The following EXOC5 variants were observed in gnomAD, a reference collection of about 807,000 sequenced individuals.
EXOC5 encodes exocyst complex component 5.
Under a neutral mutation model 90.8 loss-of-function variants are expected in EXOC5, and 17 were observed. The ratio of observed to expected loss-of-function variants is 0.19; its 90% confidence interval spans 0.13 to 0.28. EXOC5 has a LOEUF of 0.28. Among genes scored for constraint, EXOC5 ranks in the 10% least tolerant of loss-of-function variants. The pLI is 1.00. For missense variants in EXOC5, 569 were observed against 830.6 expected (o/e 0.69, Z 3.87); for synonymous variants, 260 against 270.0 (o/e 0.96, Z 0.36).
intron 11 of EXOC5, 137 bp downstream of exon 11, chr14:57,231,369 C>CAATA (rs1255962121): frequency 3.2e-6 from 2 of 626,554 alleles, no homozygotes; most frequent in East Asian, 5.6e-5. Flanking sequence ...AAGATTTGAT[C>CAATA]AATAATATAA....
chr14:57,254,436 CAA>C (rs200928380), intron 1 of EXOC5, among the ~76,000 whole-genome samples: 6 of 123,772 alleles, frequency 4.8e-5, no homozygotes, highest in Admixed American at 8.2e-5. Context: ...GAATCTGTTC[CAA>C]AAAAAAAAAA....
intron 15 of EXOC5, among the ~76,000 whole-genome samples, chr14:57,217,476 G>A (rs896777063): frequency 9.9e-5 from 15 of 152,086 alleles, no homozygotes; most frequent in African/African-American, 3.6e-4. Flanking sequence ...ATGGTGATCT[G>A]TGATCAGTGA....
intron 12 of EXOC5, 28 bp downstream of exon 12, chr14:57,229,706 T>G (rs1313143225): frequency 1.4e-6 from 2 of 1,429,824 alleles, no homozygotes; most frequent in Non-Finnish European, 1.9e-6. Flanking sequence ...CAACTGTATA[T>G]GTAAAATACA....
At chr14:57,250,882 T>G (rs182896832) in intron 1 of EXOC5, among the ~76,000 whole-genome samples, 12 of 152,320 alleles carry the variant, frequency 7.9e-5, no homozygotes, top group African/African-American at 2.6e-4. Context: ...AAAGACCAGA[T>G]AGCTAGTATT....
chr14:57,265,111 T>C (rs943173794), intron 1 of EXOC5, among the ~76,000 whole-genome samples: 69 of 150,624 alleles, frequency 4.6e-4, no homozygotes, highest in African/African-American at 1.6e-3. Flanking sequence ...CTCATTTCCA[T>C]AACTTACTTG....
chr14:57,241,924 T>G (rs539363973), intron 4 of EXOC5, among the ~76,000 whole-genome samples: 9 of 151,776 alleles, frequency 5.9e-5, no homozygotes, highest in Non-Finnish European at 8.8e-5. Context: ...ACAAGGTCAG[T>G]AGATGGAGAC....
At chr14:57,243,274 G>T (rs1350781137) in intron 4 of EXOC5, 1 of 151,952 alleles carries the variant, frequency 6.6e-6, no homozygotes, top group Non-Finnish European at 1.5e-5. Flanking sequence ...TTCTTTAGAG[G>T]AATTATCTGT....
chr14:57,253,977 A>G (rs1884268281), intron 1 of EXOC5, among the ~76,000 whole-genome samples: 1 of 152,332 alleles, frequency 6.6e-6, no homozygotes, highest in Middle Eastern at 3.4e-3. Flanking sequence ...ACAGGCAACA[A>G]AAGAAAAAAA....
At position 57,237,387 on chromosome 14, in the gene EXOC5, A is replaced by C; in HGVS notation, c.531-21T>G. On this transcript the variant is annotated intron_variant, in intron 5 of 17. Coordinates refer to ENST00000621441, the MANE Select transcript of EXOC5 (RefSeq NM_006544.4). ...AAAATCTGAAAGACAAAAACCAACC[A>C]TGAGGTTTGTTAGTTGTGATAAACA... The C allele has an allele frequency of 2.0e-6, 3 of 1,514,376 alleles. No individual in the cohort carries two copies. In the South Asian group the frequency reaches 3.6e-5, roughly 18 times the overall value. 93.8% of individuals were successfully genotyped at this position (1,514,376 alleles called of 1,614,324 possible). A position where few individuals can be genotyped will look rare whatever the true frequency, so the allele number is the denominator to read the frequency against.
At chr14:57,224,477 G>C (rs1390087417) in intron 12 of EXOC5, among the ~76,000 whole-genome samples, 3 of 152,082 alleles carry the variant, frequency 2.0e-5, no homozygotes, top group Non-Finnish European at 2.9e-5. Context: ...CAACTTATGT[G>C]AACTACACAA....
At chr14:57,262,658 ATATACAT>A (rs1884543219) in intron 1 of EXOC5, among the ~76,000 whole-genome samples, 1 of 147,170 alleles carries the variant, frequency 6.8e-6, no homozygotes, top group South Asian at 2.1e-4. Flanking sequence ...ATATATACAT[ATATACAT>A]AAGTGTATAT....
intron 3 of EXOC5, among the ~76,000 whole-genome samples, chr14:57,246,459 G>C (rs1020654114): frequency 6.6e-6 from 1 of 152,128 alleles, no homozygotes; most frequent in African/African-American, 2.4e-5. Context: ...GGAGAATCAA[G>C]GACCACACTA....
chr14:57,202,094 G>A lies in EXOC5; in HGVS notation c.*6515C>T, dbSNP rs1023086444. On this transcript the variant is annotated 3_prime_UTR_variant, in exon 18 of 18. Transcript: ENST00000621441. ...TAGGATGCAACAATAACACAGAGTT[G>A]CATCCGTGGTATGTCTGCCAAAAAG... 1 of 152,146 alleles carries A rather than the reference G, an allele frequency of 6.6e-6. No individual in the cohort carries two copies. The highest frequency in any genetic ancestry group is 2.4e-5 in the African/African-American group (1 of 41,432). The allele number at this position is 152,146 out of a possible 1,614,324, so 9.4% of individuals were successfully genotyped here. A position where few individuals can be genotyped will look rare whatever the true frequency, so the allele number is the denominator to read the frequency against.
Position 57,211,416 on chromosome 14 carries a change from T to C in EXOC5, c.1614-1355A>G, listed in dbSNP as rs540795023. On this transcript the variant is annotated intron_variant, in intron 15 of 17. Transcript: ENST00000621441. ...CGTCACTTTTTTCTCACTTGAAATA[T>C]GGAAATCTTCAAAGTCACCACCTTG... is the stretch of plus-strand genomic sequence containing the variant. 1.1e-4 allele frequency among the ~76,000 whole-genome samples: 14 copies of C among 132,584 alleles called. No homozygotes were observed. The South Asian group carries it at 1.7e-3, about 16-fold the overall frequency. The allele number at this position is 132,584 out of a possible 152,430, so 87.0% of individuals were successfully genotyped here. A position where few individuals can be genotyped will look rare whatever the true frequency, so the allele number is the denominator to read the frequency against.
At chr14:57,231,952 A>C in intron 10 of EXOC5, 1 of 390,202 alleles carries the variant, frequency 2.6e-6, no homozygotes, top group South Asian at 3.7e-5. Context: ...CTAGGAAAAG[A>C]ACTTGTGAGG....
In EXOC5 at chr14:57,244,031, A is replaced by G. The variant is rs1323616420; in HGVS notation, c.465+134T>C. The G allele has an allele frequency of 6.4e-6, 4 of 624,050 alleles. No homozygotes were observed. The East Asian group carries it at 1.1e-4, about 17-fold the overall frequency. The allele number at this position is 624,050 out of a possible 1,614,324, so 38.7% of individuals were successfully genotyped here. ...AAGAAACTGTATTAGTTTACATTTCAGAACAATAAAAACTTTTAATAAGTC... is the reference window on the plus strand; with the variant it reads ...AAGAAACTGTATTAGTTTACATTTCGGAACAATAAAAACTTTTAATAAGTC... On this transcript the variant is annotated intron_variant, in intron 4 of 17. Coordinates refer to ENST00000621441, the MANE Select transcript of EXOC5 (RefSeq NM_006544.4).
At chr14:57,226,202 G>A (rs1883303575) in intron 12 of EXOC5, among the ~76,000 whole-genome samples, 1 of 152,150 alleles carries the variant, frequency 6.6e-6, no homozygotes, top group Admixed American at 6.5e-5. Flanking sequence ...AGGCCCACAA[G>A]GAATTCCTAT....
At position 57,208,717 on chromosome 14, in the gene EXOC5, T is replaced by C. The variant is rs182922270; in HGVS notation, c.2019A>G (p.Gln673=). 1.9e-6 allele frequency: 3 copies of C among 1,611,834 alleles called. No individual in the cohort carries two copies. The Admixed American group carries it at 5.0e-5, about 27-fold the overall frequency. ...TAGCAAGTTGTTCTCCTGAGCAGAC[T>C]TGCTTTAAATTATCTGGGGCAACTA... ...LLVVAPDNLK[Q]VCSGEQLANL... is the part of the protein sequence containing the mutation. The change falls in exon 18 of 18, where the codon CAA becomes CAG. Residue 673 remains glutamine, a synonymous_variant. Coordinates refer to ENST00000621441, the MANE Select transcript of EXOC5 (RefSeq NM_006544.4).
In EXOC5 at chr14:57,201,876, C is replaced by T. The variant is rs2139596839; in HGVS notation, c.*6733G>A. ...CTCCAGCTTGGGCAACAGAGCGAGA[C>T]TCTGTCTGCAAATAAATAAATAAGG... On this transcript the variant is annotated 3_prime_UTR_variant, in exon 18 of 18. Transcript: ENST00000621441. 6.6e-6 allele frequency: 1 copy of T among 151,814 alleles called. No individual in the cohort carries two copies. The highest frequency in any genetic ancestry group is 2.4e-5 in the African/African-American group (1 of 41,292). 9.4% of individuals were successfully genotyped at this position (151,814 alleles called of 1,614,324 possible). A position where few individuals can be genotyped will look rare whatever the true frequency, so the allele number is the denominator to read the frequency against.
Sources: allele counts gnomAD v4.1 joint callset (sites outside exome capture counted in the v4.1 genomes callset), GRCh38; gene constraint gnomAD v4.1.1; transcripts MANE v1.5; gene names NCBI Gene and HGNC (gene_info 2026-07-23, HGNC 2026-07-21).